Variants in RORA observed in about 807,000 individuals in gnomAD.
RORA encodes the protein nuclear receptor ROR-alpha.
RORA carries 7 observed loss-of-function variants against 69.5 expected under a neutral mutation model. The observed-to-expected ratio is 0.10, with a 90% CI of 0.06 to 0.19. The LOEUF is 0.19. Ranked by LOEUF, RORA falls within the 10% of genes least tolerant of loss-of-function variation. The pLI is 1.00. For synonymous variants in RORA, 261 were observed against 240.8 expected, an observed-to-expected ratio of 1.08 and a Z score of -0.78; for missense variants, 457 against 663.0, an observed-to-expected ratio of 0.69 and a Z score of 3.41.
At chr15:61,212,871 T>C (rs1047728658) in intron 1 of RORA, among the ~76,000 whole-genome samples, 1 of 152,196 alleles carries the variant, frequency 6.6e-6, no homozygotes. Context: ...CATCACCTCA[T>C]AGATGTAAAA....
At chr15:61,224,742 G>C (rs72741603) in intron 1 of RORA, among the ~76,000 whole-genome samples, 2 of 152,136 alleles carry the variant, frequency 1.3e-5, no homozygotes, top group Non-Finnish European at 2.9e-5. Context: ...AAAATCCTCA[G>C]AACATTTTTA....
chr15:60,835,762 G>T (rs561466552), intron 1 of RORA, among the ~76,000 whole-genome samples: 4 of 152,124 alleles, frequency 2.6e-5, no homozygotes, highest in Non-Finnish European at 5.9e-5. Flanking sequence ...GAATCGTTAC[G>T]ATCCTCTGCT....
intron 5 of RORA, among the ~76,000 whole-genome samples, chr15:60,509,813 A>C (rs1005218510): frequency 2.6e-5 from 4 of 152,048 alleles, no homozygotes; most frequent in Non-Finnish European, 1.5e-5. Flanking sequence ...AAAAAATCAA[A>C]CCTACCTCTG....
intron 1 of RORA, among the ~76,000 whole-genome samples, chr15:60,720,101 A>C (rs935866104): frequency 6.6e-6 from 1 of 152,192 alleles, no homozygotes; most frequent in African/African-American, 2.4e-5. Context: ...AGGAAGCAGG[A>C]GCCTAAAATC....
At chr15:60,665,873 C>T (rs2070372081) in intron 2 of RORA, among the ~76,000 whole-genome samples, 1 of 152,078 alleles carries the variant, frequency 6.6e-6, no homozygotes, top group Non-Finnish European at 1.5e-5. Flanking sequence ...CGGGGTTTCC[C>T]CATGTTGGCC....
intron 1 of RORA, among the ~76,000 whole-genome samples, chr15:60,866,800 TC>T (rs1386573304): frequency 1.3e-5 from 2 of 149,294 alleles, no homozygotes; most frequent in Non-Finnish European, 3.0e-5. Flanking sequence ...ATCTGGGTGT[TC>T]CTGAGTTGTA....
chr15:61,115,298 T>C (rs569957002), intron 1 of RORA, among the ~76,000 whole-genome samples: 4 of 150,954 alleles, frequency 2.6e-5, no homozygotes, highest in Admixed American at 6.6e-5. Flanking sequence ...AAAATGTAAA[T>C]AGGAGCCACA....
In RORA at chr15:60,497,532, C is replaced by T; in HGVS notation, c.1495G>A (p.Val499Met). 1 of 1,613,944 alleles carries T rather than the reference C, an allele frequency of 6.2e-7. No homozygotes were observed. The highest frequency in any genetic ancestry group is 8.5e-7 in the Non-Finnish European group (1 of 1,179,848). ...TATAATGGAGGAAAATGAAGTCGCACAATGTCTGGGTATATTGCTTTAAAT... is the reference window on the plus strand; with the variant it reads ...TATAATGGAGGAAAATGAAGTCGCATAATGTCTGGGTATATTGCTTTAAAT... Reference protein sequence around the residue: ...MAFKAIYPDIVRLHFPPLYKE... With the variant: ...MAFKAIYPDIMRLHFPPLYKE... Residue 499 changes from valine to methionine, a missense_variant, in exon 11 of 11, where the codon GTG becomes ATG. Coordinates refer to ENST00000335670, the MANE Select transcript of RORA (RefSeq NM_134261.3).
chr15:61,203,856 A>G (rs1321594892), intron 1 of RORA, among the ~76,000 whole-genome samples: 1 of 152,220 alleles, frequency 6.6e-6, no homozygotes, highest in Non-Finnish European at 1.5e-5. Flanking sequence ...CAAACTTATC[A>G]TCCGCAACAT....
intron 1 of RORA, among the ~76,000 whole-genome samples, chr15:61,142,716 C>T (rs990884128): frequency 1.3e-5 from 2 of 152,166 alleles, no homozygotes; most frequent in African/African-American, 4.8e-5. Flanking sequence ...AGAACTTTTA[C>T]CTCTGTCATT....
chr15:60,966,494 A>G (rs1893557067), intron 1 of RORA, among the ~76,000 whole-genome samples: 1 of 152,236 alleles, frequency 6.6e-6, no homozygotes, highest in African/African-American at 2.4e-5. Flanking sequence ...TGTAAGCTCC[A>G]AGAAAGAAGG....
intron 2 of RORA, among the ~76,000 whole-genome samples, chr15:60,633,092 G>A (rs942885251): frequency 3.3e-5 from 5 of 152,260 alleles, no homozygotes; most frequent in African/African-American, 1.2e-4. Flanking sequence ...ACAATGGATT[G>A]CCCTCATTTT....
chr15:60,591,772 C>A (rs909893825), intron 2 of RORA, among the ~76,000 whole-genome samples: 1 of 152,144 alleles, frequency 6.6e-6, no homozygotes, highest in Non-Finnish European at 1.5e-5. Flanking sequence ...CTCCGGCCCG[C>A]GCGCTTTCGG....
At chr15:61,100,688 G>A (rs759254892) in intron 1 of RORA, among the ~76,000 whole-genome samples, 4 of 152,120 alleles carry the variant, frequency 2.6e-5, no homozygotes, top group South Asian at 2.1e-4. Flanking sequence ...ACACATTCCC[G>A]TGGCTCTGGT....
At chr15:61,189,208 C>T (rs542454331) in intron 1 of RORA, among the ~76,000 whole-genome samples, 33 of 152,260 alleles carry the variant, frequency 2.2e-4, no homozygotes, top group African/African-American at 6.3e-4. Flanking sequence ...CTTGAATAAA[C>T]GCATTTTTAC....
intron 1 of RORA, among the ~76,000 whole-genome samples, chr15:60,703,587 A>G (rs1048903041): frequency 6.6e-6 from 1 of 152,202 alleles, no homozygotes; most frequent in Non-Finnish European, 1.5e-5. Flanking sequence ...GACAGTCACA[A>G]GCCGGTTTTA....
rs555582907 is a variant in RORA at position 60,905,665 on chromosome 15, C to G, written c.167-226979G>C. On this transcript the variant is annotated intron_variant, in intron 1 of 10. Coordinates refer to ENST00000335670, the MANE Select transcript of RORA (RefSeq NM_134261.3). The surrounding 1 kb of genome is among the most constrained non-coding windows in gnomAD (Gnocchi z 4.8). The stretch of plus-strand genomic sequence containing the variant: ...CCCTCAAGAGCGTCTGTATCTGCCC[C>G]GGTTCTGTCAGGAAAATTAAACAGA... Among the ~76,000 whole-genome samples the G allele has an allele frequency of 2.6e-5, 4 of 152,164 alleles. No homozygotes were observed. The highest frequency in any genetic ancestry group is 5.9e-5 in the Non-Finnish European group (4 of 68,042).
chr15:61,062,697 C>G (rs2078203775), intron 1 of RORA, among the ~76,000 whole-genome samples: 1 of 152,158 alleles, frequency 6.6e-6, no homozygotes, highest in African/African-American at 2.4e-5. Flanking sequence ...GCTCAGCATT[C>G]CTATCTGGAG....
At chr15:60,934,805 C>T (rs1414715793) in intron 1 of RORA, among the ~76,000 whole-genome samples, 1 of 152,222 alleles carries the variant, frequency 6.6e-6, no homozygotes, top group Non-Finnish European at 1.5e-5. Flanking sequence ...CTCCCTGCCT[C>T]CAGGCTCTGC....
Sources: allele counts gnomAD v4.1 joint callset (sites outside exome capture counted in the v4.1 genomes callset), GRCh38; gene constraint gnomAD v4.1.1; non-coding constraint Gnocchi (gnomAD v3.1); transcripts MANE v1.5; gene names NCBI Gene and HGNC (gene_info 2026-07-23, HGNC 2026-07-21).